Variants in GTF2IRD1 observed in about 807,000 individuals in gnomAD.
The protein encoded by GTF2IRD1 is GTF2I repeat domain containing 1.
In GTF2IRD1, 26 loss-of-function variants were observed where a neutral mutation model predicts 113.2. The observed-to-expected ratio is 0.23, with a 90% CI of 0.17 to 0.32. The LOEUF is 0.32. GTF2IRD1 is among the 10% of genes least tolerant of loss of function. The pLI, the probability that GTF2IRD1 is intolerant of heterozygous loss-of-function variation, is 1.00. For missense variants in GTF2IRD1, 864 were observed against 1,280.8 expected (o/e 0.67, Z 4.97); for synonymous variants, 484 against 529.1 (o/e 0.91, Z 1.17).
intron 10 of GTF2IRD1, 60 bp from the exon 11 acceptor site, chr7:74,536,107 G>T (rs1451718610): frequency 9.6e-7 from 1 of 1,042,992 alleles, no homozygotes; most frequent in Admixed American, 1.7e-5. Context: ...TTACCCAGGG[G>T]CTCTGCAGCA....
Position 74,553,312 on chromosome 7 carries a change from G to A in GTF2IRD1, c.1917-1862G>A, listed in dbSNP as rs587606801. On this transcript the variant is annotated intron_variant, in intron 17 of 26. Transcript: ENST00000424337. ...GCCTGGCCATGAGCATTTGTTTTAA[G>A]AGACAAGTCTTTCTTTAGCCCAGGC... is the stretch of plus-strand genomic sequence containing the variant. Among the ~76,000 whole-genome samples, 5 of 151,282 alleles carry A rather than the reference G, an allele frequency of 3.3e-5. No individual in the cohort carries two copies. In the South Asian group the frequency reaches 1.1e-3, roughly 32 times the overall value.
intron 3 of GTF2IRD1, among the ~76,000 whole-genome samples, chr7:74,513,890 G>A (rs1157984638): frequency 3.3e-5 from 5 of 152,152 alleles, no homozygotes; most frequent in Admixed American, 6.5e-5. Flanking sequence ...GTGTACACCT[G>A]TAGTCCCAGC....
intron 9 of GTF2IRD1, 62 bp from the exon 10 acceptor site, chr7:74,535,051 C>T (rs975229878): frequency 1.5e-5 from 21 of 1,422,528 alleles, no homozygotes; most frequent in African/African-American, 1.4e-4. Context: ...GGCATCTCCC[C>T]GAGCCCTGGG....
At chr7:74,568,463 A>C (rs782705453) in intron 22 of GTF2IRD1, among the ~76,000 whole-genome samples, 2 of 152,020 alleles carry the variant, frequency 1.3e-5, no homozygotes, top group South Asian at 4.2e-4. Context: ...CCTGGCTAAC[A>C]CAGTGAAACC....
rs78569025 is a variant in GTF2IRD1, at chr7:74,582,171, A to G, written c.2321-7680A>G. On this transcript the variant is annotated intron_variant, in intron 22 of 26. Transcript: ENST00000424337. Reference sequence around the variant, plus strand: ...AGACTGGTGCCAGCCTGCACACCTCAGAGCCCAACAGGAATATCTGTTCAG... The same window carrying G: ...AGACTGGTGCCAGCCTGCACACCTCGGAGCCCAACAGGAATATCTGTTCAG... 4.2e-3 allele frequency among the ~76,000 whole-genome samples: 646 copies of G among 152,324 alleles called. 1 individual carries two copies. The highest frequency in any genetic ancestry group is 7.6e-3 in the Non-Finnish European group (515 of 68,028).
chr7:74,579,334 A>G (rs1801272590), intron 22 of GTF2IRD1, among the ~76,000 whole-genome samples: 1 of 152,058 alleles, frequency 6.6e-6, no homozygotes. Flanking sequence ...GAAGAGGAAG[A>G]AGGCCAGGCG....
At chr7:74,598,327 G>A (rs1174449819) in intron 25 of GTF2IRD1, among the ~76,000 whole-genome samples, 2 of 152,064 alleles carry the variant, frequency 1.3e-5, no homozygotes, top group East Asian at 1.9e-4. Flanking sequence ...GAGGCCAGTC[G>A]CGGTGGCTCA....
intron 5 of GTF2IRD1, among the ~76,000 whole-genome samples, chr7:74,518,905 C>T (rs1325811026): frequency 1.3e-5 from 2 of 151,958 alleles, no homozygotes; most frequent in Non-Finnish European, 2.9e-5. Context: ...AAAAATATGG[C>T]ATTTTAGGTG....
At chr7:74,495,939 TG>T (rs1795631575) in intron 1 of GTF2IRD1, among the ~76,000 whole-genome samples, 1 of 152,172 alleles carries the variant, frequency 6.6e-6, no homozygotes, top group Admixed American at 6.5e-5. Flanking sequence ...CGACTGTGGC[TG>T]GGGCCAGCCA....
Position 74,555,116 on chromosome 7 carries a change from G to C in GTF2IRD1, c.1917-58G>C. On this transcript the variant is annotated intron_variant, in intron 17 of 26. Coordinates refer to ENST00000424337, the MANE Select transcript of GTF2IRD1 (RefSeq NM_005685.4). The surrounding 1 kb of genome is among the most constrained non-coding windows in gnomAD (Gnocchi z 5.3). The stretch of plus-strand genomic sequence containing the variant: ...AGACTGAGGCCCAGAGAGGAGGGCT[G>C]AGCAGTCCCAGAGATGCTTGGAGGG... 6.6e-7 allele frequency: 1 copy of C among 1,516,210 alleles called. No homozygotes were observed. The highest frequency in any genetic ancestry group is 9.1e-7 in the Non-Finnish European group (1 of 1,098,270). 93.9% of individuals were successfully genotyped at this position (1,516,210 alleles called of 1,614,324 possible).
intron 23 of GTF2IRD1, among the ~76,000 whole-genome samples, chr7:74,590,595 G>A (rs1159443037): frequency 6.6e-6 from 1 of 150,664 alleles, no homozygotes; most frequent in Non-Finnish European, 1.5e-5. Flanking sequence ...GTTTTACCGA[G>A]TTAGCCACGA....
chr7:74,479,893 G>A (rs987603450), intron 1 of GTF2IRD1, among the ~76,000 whole-genome samples: 9 of 151,416 alleles, frequency 5.9e-5, no homozygotes, highest in Admixed American at 2.6e-4. Flanking sequence ...GCTTATAGGC[G>A]CGTCCACCAT....
At chr7:74,454,402 G>A (rs887753892) in intron 1 of GTF2IRD1, among the ~76,000 whole-genome samples, 2 of 151,794 alleles carry the variant, frequency 1.3e-5, no homozygotes, top group Admixed American at 6.5e-5. Context: ...ACCTGCCCGG[G>A]AGGGGCCGGG....
intron 1 of GTF2IRD1, among the ~76,000 whole-genome samples, chr7:74,491,247 A>G (rs1032502837): frequency 2.6e-5 from 4 of 151,046 alleles, no homozygotes; most frequent in African/African-American, 9.7e-5. Flanking sequence ...TGGAGGTTGC[A>G]GTGAGCTGAG....
intron 25 of GTF2IRD1, 83 bp from the exon 26 acceptor site, chr7:74,600,961 A>G: frequency 1.3e-6 from 2 of 1,482,598 alleles, no homozygotes; most frequent in Non-Finnish European, 9.4e-7. Flanking sequence ...ACCTTAAGAC[A>G]GAGCACTTTT....
At chr7:74,591,232 A>G (rs1554369559) in intron 24 of GTF2IRD1, among the ~76,000 whole-genome samples, 1 of 152,056 alleles carries the variant, frequency 6.6e-6, no homozygotes, top group Admixed American at 6.6e-5. Context: ...TGGGGAAAAA[A>G]CAAAACATGT....
chr7:74,561,406 C>T (rs1799958693), intron 22 of GTF2IRD1, among the ~76,000 whole-genome samples: 1 of 149,278 alleles, frequency 6.7e-6, no homozygotes, highest in Non-Finnish European at 1.5e-5. Flanking sequence ...TGACAGGCCA[C>T]GGGAACCCCC....
chr7:74,602,319 C>A, intron 26 of GTF2IRD1, 46 bp from the exon 27 acceptor site: 1 of 1,593,548 alleles, frequency 6.3e-7, no homozygotes, highest in Non-Finnish European at 8.6e-7. Flanking sequence ...GGGTTTGTTC[C>A]GCATCACCTG....
At chr7:74,565,322 C>T (rs368938831) in intron 22 of GTF2IRD1, among the ~76,000 whole-genome samples, 55 of 151,376 alleles carry the variant, frequency 3.6e-4, no homozygotes, top group Middle Eastern at 3.5e-3. Context: ...GTCAGGAGTT[C>T]GAGACCAGCC....
Sources: allele counts gnomAD v4.1 joint callset (sites outside exome capture counted in the v4.1 genomes callset), GRCh38; gene constraint gnomAD v4.1.1; non-coding constraint Gnocchi (gnomAD v3.1); transcripts MANE v1.5; gene names NCBI Gene and HGNC (gene_info 2026-07-23, HGNC 2026-07-21).